Variants in AIF1L observed in about 807,000 individuals in gnomAD.
The protein encoded by AIF1L is allograft inflammatory factor 1-like.
A neutral mutation model predicts 20.7 loss-of-function variants in AIF1L; 12 were observed. That is an observed-to-expected ratio of 0.58 (90% CI 0.37 to 0.94). AIF1L has a LOEUF of 0.94. AIF1L is among the 40% of genes least tolerant of loss of function. The pLI is 0.01. For missense variants in AIF1L, 173 were observed against 185.3 expected, an observed-to-expected ratio of 0.93 and a Z score of 0.39; for synonymous variants, 76 against 65.1, an observed-to-expected ratio of 1.17 and a Z score of -0.81.
chr9:131,106,365 A>G lies in AIF1L; in HGVS notation c.94-5232A>G. On this transcript the variant is annotated intron_variant, in intron 2 of 5. Transcript: ENST00000247291. Reference sequence around the variant, plus strand: ...CTACATTCTAGCCGGGGAGGCAGAGAGGGTGTAGTAACCTCAGTAAGCAGT... The same window carrying G: ...CTACATTCTAGCCGGGGAGGCAGAGGGGGTGTAGTAACCTCAGTAAGCAGT... 4 of 879,524 alleles carry G rather than the reference A, an allele frequency of 4.5e-6. No individual in the cohort carries two copies. In the South Asian group the frequency reaches 5.8e-5, roughly 13 times the overall value. 54.5% of individuals were successfully genotyped at this position (879,524 alleles called of 1,614,324 possible).
In AIF1L at chr9:131,096,882, G is replaced by T; in HGVS notation, c.93+19G>T. 6.6e-7 allele frequency: 1 copy of T among 1,523,054 alleles called. No homozygotes were observed. Among genetic ancestry groups the T allele is most frequent in the Non-Finnish European group, 8.8e-7 (1 of 1,138,040 alleles). The allele number at this position is 1,523,054 out of a possible 1,614,324, so 94.3% of individuals were successfully genotyped here. A position where few individuals can be genotyped will look rare whatever the true frequency, so the allele number is the denominator to read the frequency against. On this transcript the variant is annotated intron_variant, in intron 2 of 5. Transcript: ENST00000247291. ...CAACCGGGTAAGCCCCGCGCCCAGG[G>T]CAGCACGCGAGTCCCGAGCCGCGCG...
At chr9:131,115,174 G>A (rs978039018) in intron 4 of AIF1L, among the ~76,000 whole-genome samples, 13 of 152,138 alleles carry the variant, frequency 8.5e-5, no homozygotes, top group African/African-American at 2.4e-4. Flanking sequence ...AATGGGCCGG[G>A]CGCCATGGCT....
At chr9:131,096,688 C>T (rs1830533943) in intron 1 of AIF1L, 28 bp downstream of exon 1, 11 of 1,457,126 alleles carry the variant, frequency 7.5e-6, no homozygotes, top group South Asian at 1.4e-5. Context: ...CGAGCAGCCA[C>T]CTGTGCGCGC....
In AIF1L at chr9:131,105,349, A is replaced by C. The variant is rs556696040; in HGVS notation, c.94-6248A>C. Among the ~76,000 whole-genome samples, 156 of 152,292 alleles carry C rather than the reference A, an allele frequency of 1.0e-3. 2 individuals carry two copies. Among genetic ancestry groups the C allele is most frequent in the African/African-American group, 3.4e-3 (143 of 41,558 alleles). On this transcript the variant is annotated intron_variant, in intron 2 of 5. Transcript: ENST00000247291. ...TCCCACCCTGGTCACTTGTGGCCCA[A>C]GCATTTGTCATGTTTTGTTTTGTTT...
rs1224990252 is a variant in AIF1L, at chr9:131,120,203, TTC to T, written c.366-30_366-29del. 2.5e-6 allele frequency: 4 copies of T among 1,601,766 alleles called. No individual in the cohort carries two copies. The East Asian group carries it at 8.9e-5, about 36-fold the overall frequency. On this transcript the variant is annotated intron_variant, in intron 5 of 5. Transcript: ENST00000247291. ...GGAAGGATCCTAATCTTGTTTTTCTTTCTTTTTTTCTTTTCTCCATCTCCAAA... is the reference window on the plus strand; with the variant it reads ...GGAAGGATCCTAATCTTGTTTTTCTTTTTTTTTCTTTTCTCCATCTCCAAA...
chr9:131,115,531 C>T (rs1045892395), intron 4 of AIF1L, among the ~76,000 whole-genome samples: 1 of 151,684 alleles, frequency 6.6e-6, no homozygotes, highest in Non-Finnish European at 1.5e-5. Context: ...GAACCAGGGC[C>T]CAGCCGTTGG....
chr9:131,118,144 G>A (rs1831055268), intron 5 of AIF1L, among the ~76,000 whole-genome samples: 1 of 152,290 alleles, frequency 6.6e-6, no homozygotes, highest in South Asian at 2.1e-4. Flanking sequence ...CCAGGCTGGA[G>A]TGCAGTGGTG....
chr9:131,099,069 T>C (rs571122850), intron 2 of AIF1L, among the ~76,000 whole-genome samples: 2 of 152,286 alleles, frequency 1.3e-5, no homozygotes, highest in East Asian at 3.9e-4. Flanking sequence ...GCCACTCACC[T>C]CTCTGAGCCT....
chr9:131,108,348 C>T (rs1301559487), intron 2 of AIF1L, among the ~76,000 whole-genome samples: 2 of 151,836 alleles, frequency 1.3e-5, no homozygotes, highest in Admixed American at 6.6e-5. Flanking sequence ...TACAGGCACA[C>T]GCCCCCATGC....
At chr9:131,112,457 G>A (rs1014417414) in intron 3 of AIF1L, 1 of 152,264 alleles carries the variant, frequency 6.6e-6, no homozygotes, top group Non-Finnish European at 1.5e-5. Context: ...GACATCTAGG[G>A]CTAATCATAT....
At chr9:131,097,536 G>A (rs1321085890) in intron 2 of AIF1L, among the ~76,000 whole-genome samples, 1 of 152,204 alleles carries the variant, frequency 6.6e-6, no homozygotes, top group African/African-American at 2.4e-5. Context: ...ATTGCCTTAA[G>A]GGATTCAATG....
intron 5 of AIF1L, among the ~76,000 whole-genome samples, chr9:131,118,373 G>A (rs897336056): frequency 2.0e-5 from 3 of 152,026 alleles, no homozygotes; most frequent in African/African-American, 7.3e-5. Flanking sequence ...GATTATAGGC[G>A]TGAGCCACCA....
Position 131,096,604 on chromosome 9 carries a change from G to C in AIF1L, c.-26G>C. ...TCCCTCGCCGCGTCCGCGAAGCCTG[G>C]AGCCGGCGGGAGCCCCGCGCTCGCC... On this transcript the variant is annotated 5_prime_UTR_variant, in exon 1 of 6. Coordinates refer to ENST00000247291, the MANE Select transcript of AIF1L (RefSeq NM_031426.4). 1 of 1,484,566 alleles carries C rather than the reference G, an allele frequency of 6.7e-7. No individual in the cohort carries two copies. The highest frequency in any genetic ancestry group is 8.9e-7 in the Non-Finnish European group (1 of 1,125,836). The allele number at this position is 1,484,566 out of a possible 1,614,324, so 92.0% of individuals were successfully genotyped here.
At chr9:131,100,499 C>T (rs1272954553) in intron 2 of AIF1L, among the ~76,000 whole-genome samples, 1 of 152,218 alleles carries the variant, frequency 6.6e-6, no homozygotes, top group East Asian at 1.9e-4. Context: ...TTTAAACAGC[C>T]TCGACTTGAA....
At chr9:131,101,970 G>A (rs890010913) in intron 2 of AIF1L, among the ~76,000 whole-genome samples, 4 of 152,160 alleles carry the variant, frequency 2.6e-5, no homozygotes, top group Non-Finnish European at 4.4e-5. Context: ...AGGCTGGAGT[G>A]CAGTGGCATG....
Position 131,121,069 on chromosome 9 carries a change from G to A in AIF1L, c.*747G>A, listed in dbSNP as rs1831126281. On this transcript the variant is annotated 3_prime_UTR_variant, in exon 6 of 6. Coordinates refer to ENST00000247291, the MANE Select transcript of AIF1L (RefSeq NM_031426.4). ...TTCGGAGGCAGAAGTGAGGCCTGGG[G>A]TTTTGGGGGAAAGGTCAGCTCAGTG... 3 of 694,128 alleles carry A rather than the reference G, an allele frequency of 4.3e-6. No individual in the cohort carries two copies. The highest frequency in any genetic ancestry group is 1.5e-5 in the South Asian group (1 of 65,394). The allele number at this position is 694,128 out of a possible 1,614,324, so 43.0% of individuals were successfully genotyped here. A position where few individuals can be genotyped will look rare whatever the true frequency, so the allele number is the denominator to read the frequency against.
chr9:131,121,082 G>A lies in AIF1L; in HGVS notation c.*760G>A. Reference sequence around the variant, plus strand: ...GTGAGGCCTGGGGTTTTGGGGGAAAGGTCAGCTCAGTGCTGTTCCACCTTT... The same window carrying A: ...GTGAGGCCTGGGGTTTTGGGGGAAAAGTCAGCTCAGTGCTGTTCCACCTTT... On this transcript the variant is annotated 3_prime_UTR_variant, in exon 6 of 6. Transcript: ENST00000247291. The A allele has an allele frequency of 1.4e-6, 1 of 713,128 alleles. No homozygotes were observed. Among genetic ancestry groups the A allele is most frequent in the East Asian group, 2.7e-5 (1 of 37,190 alleles). The allele number at this position is 713,128 out of a possible 1,614,324, so 44.2% of individuals were successfully genotyped here.
intron 2 of AIF1L, chr9:131,098,339 T>G (rs1308865438): frequency 6.6e-6 from 1 of 152,540 alleles, no homozygotes; most frequent in Non-Finnish European, 1.5e-5. Flanking sequence ...CCCGGACATC[T>G]GGCTGGGGTG....
Position 131,106,208 on chromosome 9 carries a change from G to A in AIF1L, c.94-5389G>A, listed in dbSNP as rs773531922. 1.8e-5 allele frequency: 28 copies of A among 1,535,588 alleles called. No homozygotes were observed. In the East Asian group the frequency reaches 4.2e-4, roughly 23 times the overall value. The stretch of plus-strand genomic sequence containing the variant: ...CTCAGTACTGTGCAGGGAGGGAGCC[G>A]CAGCTACAGAGGATTTCATGTTCCC... On this transcript the variant is annotated intron_variant, in intron 2 of 5. Transcript: ENST00000247291.
Sources: gnomAD v4.1 joint callset for allele counts (sites outside exome capture counted in the v4.1 genomes callset) on GRCh38, gnomAD v4.1.1 for gene constraint, MANE v1.5 for transcripts, NCBI Gene and HGNC (gene_info 2026-07-23, HGNC 2026-07-21) for gene names.